Variants in CADM2 observed in about 807,000 individuals in gnomAD.
CADM2 encodes the protein cell adhesion molecule 2, also known as immunoglobulin superfamily member 4D.
Under a neutral mutation model 49.8 loss-of-function variants are expected in CADM2, and 12 were observed. The ratio of observed to expected loss-of-function variants is 0.24; its 90% CI spans 0.15 to 0.39. The LOEUF (loss-of-function observed/expected upper bound fraction) is 0.39. Ranked by LOEUF, CADM2 falls within the 10% of genes least tolerant of loss-of-function variation. CADM2 has a pLI of 1.00. For missense variants in CADM2, 378 were observed against 492.3 expected, an observed-to-expected ratio of 0.77 and a Z score of 2.20; for synonymous variants, 214 against 175.4, an observed-to-expected ratio of 1.22 and a Z score of -1.74.
At chr3:85,459,661 A>G (rs2038152066) in intron 1 of CADM2, among the ~76,000 whole-genome samples, 1 of 152,222 alleles carries the variant, frequency 6.6e-6, no homozygotes. Context: ...TCCTTCTCTT[A>G]CTATGTTATA....
At chr3:84,993,363 A>G (rs968479332) in intron 1 of CADM2, among the ~76,000 whole-genome samples, 1 of 152,188 alleles carries the variant, frequency 6.6e-6, no homozygotes, top group Non-Finnish European at 1.5e-5. Flanking sequence ...GACTAAAGCA[A>G]TACTCTCTCT....
intron 1 of CADM2, among the ~76,000 whole-genome samples, chr3:85,379,911 T>C (rs1267516790): frequency 6.6e-6 from 1 of 152,056 alleles, no homozygotes; most frequent in Non-Finnish European, 1.5e-5. Context: ...ACCCAGCTTA[T>C]TGTCTGACAT....
chr3:84,966,213 G>A (rs973640894), intron 1 of CADM2, among the ~76,000 whole-genome samples: 2 of 152,050 alleles, frequency 1.3e-5, no homozygotes, highest in Non-Finnish European at 2.9e-5. Flanking sequence ...CTTAAGTAGG[G>A]ATCAGTTAAA....
intron 1 of CADM2, among the ~76,000 whole-genome samples, chr3:85,351,766 T>C (rs1208460347): frequency 6.6e-6 from 1 of 152,156 alleles, no homozygotes; most frequent in Non-Finnish European, 1.5e-5. Context: ...AATAGTGTCA[T>C]TTAAAATGAG....
intron 3 of CADM2, among the ~76,000 whole-genome samples, chr3:85,867,272 G>A (rs1403914949): frequency 6.6e-6 from 1 of 151,950 alleles, no homozygotes; most frequent in East Asian, 1.9e-4. Context: ...TGACAGTTTT[G>A]TGTCCTTTGC....
At chr3:85,685,782 G>A (rs2066192486) in intron 1 of CADM2, among the ~76,000 whole-genome samples, 2 of 151,614 alleles carry the variant, frequency 1.3e-5, no homozygotes, top group Non-Finnish European at 2.9e-5. Flanking sequence ...GTGCCACCAC[G>A]CCTGGCTAAT....
intron 1 of CADM2, among the ~76,000 whole-genome samples, chr3:85,659,059 T>TAAC (rs1435943721): frequency 1.4e-5 from 2 of 147,270 alleles, no homozygotes; most frequent in African/African-American, 2.5e-5. Flanking sequence ...CTCTAAATAA[T>TAAC]AATAATAATA....
intron 8 of CADM2, among the ~76,000 whole-genome samples, chr3:85,999,307 C>A (rs1729851852): frequency 6.6e-6 from 1 of 151,474 alleles, no homozygotes. Flanking sequence ...AGTTCGAGAC[C>A]ATCCTGGTCA....
chr3:85,498,939 G>A (rs143679740), intron 1 of CADM2, among the ~76,000 whole-genome samples: 11 of 152,014 alleles, frequency 7.2e-5, no homozygotes, highest in African/African-American at 9.7e-5. Context: ...AATAAATAAC[G>A]TTAAGAATTG....
chr3:85,112,422 TA>T (rs1293887131), intron 1 of CADM2, among the ~76,000 whole-genome samples: 1 of 151,760 alleles, frequency 6.6e-6, no homozygotes, highest in African/African-American at 2.4e-5. Flanking sequence ...AAGTAAACTT[TA>T]TGATCAAAAT....
chr3:85,239,618 C>T (rs1181008372), intron 1 of CADM2, among the ~76,000 whole-genome samples: 3 of 151,386 alleles, frequency 2.0e-5, no homozygotes, highest in East Asian at 1.9e-4. Context: ...ATGGATCATT[C>T]TATTCTTAAG....
At chr3:86,048,927 C>G (rs1266805547) in intron 8 of CADM2, among the ~76,000 whole-genome samples, 1 of 152,112 alleles carries the variant, frequency 6.6e-6, no homozygotes, top group Non-Finnish European at 1.5e-5. Flanking sequence ...CTATAAAAGA[C>G]AATTAAAACT....
intron 1 of CADM2, among the ~76,000 whole-genome samples, chr3:85,384,491 C>T (rs899189984): frequency 2.6e-5 from 4 of 151,688 alleles, no homozygotes; most frequent in African/African-American, 9.7e-5. Context: ...TTTTTGTATT[C>T]TTAGTAGAGA....
intron 3 of CADM2, among the ~76,000 whole-genome samples, chr3:85,814,432 T>C (rs752200955): frequency 1.4e-4 from 21 of 152,040 alleles, no homozygotes; most frequent in African/African-American, 3.1e-4. Context: ...AGATCTAAAA[T>C]TGACACCCTA....
intron 8 of CADM2, among the ~76,000 whole-genome samples, chr3:85,991,627 AT>A (rs1559787190): frequency 6.6e-6 from 1 of 152,114 alleles, no homozygotes; most frequent in Non-Finnish European, 1.5e-5. Flanking sequence ...ATAGTTTAAG[AT>A]TTGGCTTCTC....
At chr3:85,146,218 A>G (rs552510578) in intron 1 of CADM2, among the ~76,000 whole-genome samples, 9 of 152,292 alleles carry the variant, frequency 5.9e-5, no homozygotes, top group African/African-American at 2.2e-4. Context: ...ACAACACCCA[A>G]ATAACCAAAT....
intron 2 of CADM2, among the ~76,000 whole-genome samples, chr3:85,798,358 A>G (rs1403505525): frequency 6.6e-6 from 1 of 152,170 alleles, no homozygotes; most frequent in Non-Finnish European, 1.5e-5. Flanking sequence ...TATGTCCTGA[A>G]TGATAACATC....
At chr3:85,071,955 T>G (rs1168409741) in intron 1 of CADM2, among the ~76,000 whole-genome samples, 1 of 150,594 alleles carries the variant, frequency 6.6e-6, no homozygotes, top group East Asian at 1.9e-4. Context: ...TTTTCTTCTA[T>G]ATAATAATAA....
At chr3:85,769,272 T>TACATATATAGTATATATACAC (rs1559643984) in intron 2 of CADM2, among the ~76,000 whole-genome samples, 3 of 38,734 alleles carry the variant, frequency 7.7e-5, no homozygotes, top group Non-Finnish European at 1.2e-4. Flanking sequence ...TACACATATA[T>TACATATATAGTATATATACAC]ACATATATAC....
Sources: allele counts gnomAD v4.1 joint callset (sites outside exome capture counted in the v4.1 genomes callset), GRCh38; gene constraint gnomAD v4.1.1; transcripts MANE v1.5; gene names NCBI Gene and HGNC (gene_info 2026-07-23, HGNC 2026-07-21).